SLC9C1: variants seen among roughly 807,000 people sequenced by gnomAD.
The protein encoded by SLC9C1 is sodium/hydrogen exchanger 10.
A neutral mutation model predicts 140.9 loss-of-function variants in SLC9C1; 97 were observed. The ratio of observed to expected loss-of-function variants is 0.69; its 90% CI spans 0.58 to 0.82. The LOEUF (loss-of-function observed/expected upper bound fraction) is 0.82. Among genes scored for constraint, SLC9C1 ranks in the 40% least tolerant of loss-of-function variants. The pLI, the probability that SLC9C1 is intolerant of heterozygous loss-of-function variation, is 0.00. For missense variants in SLC9C1, 1,340 were observed against 1,389.3 expected, an observed-to-expected ratio of 0.96 and a Z score of 0.56; for synonymous variants, 440 against 442.6, an observed-to-expected ratio of 0.99 and a Z score of 0.07.
intron 6 of SLC9C1, among the ~76,000 whole-genome samples, chr3:112,272,779 C>T (rs2080111120): frequency 6.6e-6 from 1 of 152,034 alleles, no homozygotes; most frequent in Admixed American, 6.6e-5. Flanking sequence ...AATTACAAGG[C>T]AAGCTCTATG....
intron 26 of SLC9C1, among the ~76,000 whole-genome samples, chr3:112,157,261 A>G (rs2075151728): frequency 6.6e-6 from 1 of 151,900 alleles, no homozygotes; most frequent in African/African-American, 2.4e-5. Context: ...TCTAGCACCA[A>G]TTATTAAAGA....
chr3:112,167,476 CAAAT>C, intron 25 of SLC9C1, 129 bp from the exon 26 acceptor site: 2 of 873,388 alleles, frequency 2.3e-6, no homozygotes, highest in Non-Finnish European at 3.3e-6. Context: ...CAAATCAACA[CAAAT>C]AAGATTAATA....
intron 27 of SLC9C1, among the ~76,000 whole-genome samples, chr3:112,154,226 T>G (rs2075065740): frequency 6.6e-6 from 1 of 152,224 alleles, no homozygotes; most frequent in Non-Finnish European, 1.5e-5. Context: ...TTCTGAGTAT[T>G]ATAATCAGCA....
intron 5 of SLC9C1, among the ~76,000 whole-genome samples, chr3:112,275,430 T>G (rs1356287958): frequency 6.6e-6 from 1 of 152,196 alleles, no homozygotes; most frequent in African/African-American, 2.4e-5. Context: ...ATTCACATAA[T>G]CTAGCTAGGC....
At position 112,211,384 on chromosome 3, in the gene SLC9C1, G is replaced by A. The variant is rs533743379; in HGVS notation, c.1791-3011C>T. On this transcript the variant is annotated intron_variant, in intron 15 of 28. Transcript: ENST00000305815. ...TGCAGGACAGTGGGTGCAGTGCACC[G>A]AGCATGACCGAAGCAGGGCAAGGCA... is the stretch of plus-strand genomic sequence containing the variant. Among the ~76,000 whole-genome samples the A allele has an allele frequency of 1.7e-4, 11 of 63,632 alleles. No individual in the cohort carries two copies. The East Asian group carries it at 0.023, about 133-fold the overall frequency. The allele number at this position is 63,632 out of a possible 152,430, so 41.7% of individuals were successfully genotyped here.
chr3:112,199,417 T>G lies in SLC9C1; in HGVS notation c.2427A>C (p.Glu809Asp). 6.3e-7 allele frequency: 1 copy of G among 1,599,668 alleles called. No individual in the cohort carries two copies. The highest frequency in any genetic ancestry group is 1.2e-5 in the South Asian group (1 of 86,608). Residue 809 changes from glutamate (E) to aspartate (D), a missense_variant, in exon 20 of 29, where the codon GAA (glutamate) becomes GAC (aspartate). Physicochemically the swap from Glu to Asp is conservative, Grantham distance 45. Transcript: ENST00000305815. ...PEIAVTVKTK[E>D]EINVMLNMAT... ...CCATATTGAGCATAACATTAATTTC[T>G]TCCTTTGTTTTCACAGTGACAGCAA...
chr3:112,227,636 G>A (rs1268886995), intron 13 of SLC9C1, among the ~76,000 whole-genome samples: 1 of 152,074 alleles, frequency 6.6e-6, no homozygotes, highest in East Asian at 1.9e-4. Context: ...CATACGGAAT[G>A]AGGACAAGTT....
chr3:112,258,211 A>G (rs761515465), intron 10 of SLC9C1, among the ~76,000 whole-genome samples: 11 of 152,186 alleles, frequency 7.2e-5, no homozygotes, highest in Non-Finnish European at 1.3e-4. Context: ...AAAAGAATAT[A>G]AATTGTTCTA....
chr3:112,151,420 C>G (rs1320780978), intron 28 of SLC9C1: 1 of 519,094 alleles, frequency 1.9e-6, no homozygotes, highest in Admixed American at 1.9e-5. Context: ...CCTTTAACTT[C>G]AGCTGGTGTT....
At chr3:112,222,770 C>T (rs1005317204) in intron 13 of SLC9C1, among the ~76,000 whole-genome samples, 5 of 152,078 alleles carry the variant, frequency 3.3e-5, no homozygotes, top group African/African-American at 1.2e-4. Flanking sequence ...GGCCTCATAA[C>T]ATTTTTAAGT....
chr3:112,150,751 AATATATATATAAAAATAC>A (rs1405479437), intron 28 of SLC9C1, among the ~76,000 whole-genome samples: 5 of 144,076 alleles, frequency 3.5e-5, no homozygotes, highest in African/African-American at 5.1e-5. Context: ...ATATATATAA[AATATATATATAAAAATAC>A]ATATATATAT....
chr3:112,281,223 T>C (rs1395442679), intron 2 of SLC9C1, among the ~76,000 whole-genome samples: 14 of 152,154 alleles, frequency 9.2e-5, no homozygotes, highest in Non-Finnish European at 2.1e-4. Context: ...TTGCTGCAAC[T>C]GGTTCATTTT....
intron 6 of SLC9C1, among the ~76,000 whole-genome samples, chr3:112,273,633 G>A (rs56335531): frequency 0.16 from 24,877 of 152,090 alleles, 2,123 homozygotes; most frequent in South Asian, 0.22. Context: ...GGAGTTTTAG[G>A]ATAAGGCAGG....
chr3:112,194,284 G>A (rs1278047086), intron 20 of SLC9C1, among the ~76,000 whole-genome samples: 1 of 152,158 alleles, frequency 6.6e-6, no homozygotes, highest in African/African-American at 2.4e-5. Context: ...TCCCTGAAAT[G>A]GGAAGTTATT....
rs543722871 is a variant in SLC9C1, at chr3:112,227,129, G to A, written c.1572+4232C>T. Reference sequence around the variant, plus strand: ...AAACCTACTGAGATTGAGCCAGGAAGACATAGGAAGTCCGAATAGACCAAT... The same window carrying A: ...AAACCTACTGAGATTGAGCCAGGAAAACATAGGAAGTCCGAATAGACCAAT... On this transcript the variant is annotated intron_variant, in intron 13 of 28. Transcript: ENST00000305815. Among the ~76,000 whole-genome samples the A allele has an allele frequency of 2.0e-5, 3 of 152,150 alleles. No individual in the cohort carries two copies. The South Asian group carries it at 6.2e-4, about 32-fold the overall frequency.
chr3:112,154,220 G>C (rs2075065372), intron 27 of SLC9C1, among the ~76,000 whole-genome samples: 2 of 152,186 alleles, frequency 1.3e-5, no homozygotes, highest in South Asian at 4.1e-4. Context: ...ATCAGATTCT[G>C]AGTATTATAA....
intron 23 of SLC9C1, among the ~76,000 whole-genome samples, chr3:112,176,016 C>T (rs1325477698): frequency 6.6e-6 from 1 of 152,214 alleles, no homozygotes; most frequent in Non-Finnish European, 1.5e-5. Flanking sequence ...GGGATCTAAC[C>T]TCCTGCTGAG....
chr3:112,188,633 A>C lies in SLC9C1; in HGVS notation c.2524-6375T>G, dbSNP rs555316096. 6.4e-4 allele frequency among the ~76,000 whole-genome samples: 97 copies of C among 152,176 alleles called. 3 individuals are homozygous for C. The highest frequency in any genetic ancestry group is 8.3e-4 in the South Asian group (4 of 4,822). Reference sequence around the variant, plus strand: ...GCCACATTTTCTTAATCCAGTCTATAATTGATGGACATTTGGGTTGGTTCC... The same window carrying C: ...GCCACATTTTCTTAATCCAGTCTATCATTGATGGACATTTGGGTTGGTTCC... On this transcript the variant is annotated intron_variant, in intron 20 of 28. Transcript: ENST00000305815.
intron 15 of SLC9C1, among the ~76,000 whole-genome samples, chr3:112,215,145 A>G (rs566647190): frequency 9.4e-5 from 14 of 149,066 alleles, no homozygotes; most frequent in African/African-American, 3.5e-4. Flanking sequence ...AAAGGCCTTC[A>G]ACAAAATTCA....
Sources: allele counts gnomAD v4.1 joint callset (sites outside exome capture counted in the v4.1 genomes callset), GRCh38; gene constraint gnomAD v4.1.1; transcripts MANE v1.5; gene names NCBI Gene and HGNC (gene_info 2026-07-23, HGNC 2026-07-21).